TMEM132C: variants seen among roughly 807,000 people sequenced by gnomAD.
TMEM132C encodes the protein protein phosphatase 1, regulatory subunit 152.
In TMEM132C, 29 loss-of-function variants were observed where a neutral mutation model predicts 61.4. The observed-to-expected ratio is 0.47, with a 90% CI of 0.35 to 0.64. TMEM132C has a LOEUF of 0.64. Ranked by LOEUF, TMEM132C falls within the 30% of genes least tolerant of loss-of-function variation. The probability of loss-of-function intolerance (pLI) is 0.00; values close to 1 mark genes in which losing one functional copy is unlikely to be tolerated. For missense variants in TMEM132C, 1,408 were observed against 1,476.9 expected (o/e 0.95, Z 0.76); for synonymous variants, 656 against 633.1 (o/e 1.04, Z -0.54).
chr12:128,701,700 C>A (rs895585150), intron 8 of TMEM132C, among the ~76,000 whole-genome samples: 1 of 152,070 alleles, frequency 6.6e-6, no homozygotes, highest in Non-Finnish European at 1.5e-5. Context: ...AGTTTTATTT[C>A]TTGATATGCC....
At chr12:128,290,597 T>C (rs1871216955) in intron 1 of TMEM132C, among the ~76,000 whole-genome samples, 1 of 151,826 alleles carries the variant, frequency 6.6e-6, no homozygotes, top group African/African-American at 2.4e-5. Context: ...TCAAATAGGG[T>C]CCCCCCTGGC....
rs55999607 is a variant in TMEM132C, at chr12:128,524,012, CAAAA to C, written c.975-19923_975-19920del. On this transcript the variant is annotated intron_variant, in intron 2 of 8. Coordinates refer to ENST00000435159, the MANE Select transcript of TMEM132C (RefSeq NM_001136103.3). The stretch of plus-strand genomic sequence containing the variant: ...TGGGCAACAGAGCAAGACGCCATCT[CAAAA>C]AAAAAAAAAAAAAAAAAAAAAGCTT... Among the ~76,000 whole-genome samples the C allele has an allele frequency of 4.7e-3, 642 of 135,246 alleles. 7 individuals are homozygous for C. Among genetic ancestry groups the C allele is most frequent in the Non-Finnish European group, 4.5e-3 (287 of 64,402 alleles). 88.7% of individuals were successfully genotyped at this position (135,246 alleles called of 152,430 possible). A position where few individuals can be genotyped will look rare whatever the true frequency, so the allele number is the denominator to read the frequency against.
At chr12:128,274,665 CAG>C (rs1870626341) in intron 1 of TMEM132C, among the ~76,000 whole-genome samples, 1 of 152,202 alleles carries the variant, frequency 6.6e-6, no homozygotes. Context: ...AGTTGGAAAA[CAG>C]GAACCATTTT....
chr12:128,488,446 A>G (rs1344281362), intron 2 of TMEM132C, among the ~76,000 whole-genome samples: 1 of 152,160 alleles, frequency 6.6e-6, no homozygotes, highest in Non-Finnish European at 1.5e-5. Flanking sequence ...GGATCACCTG[A>G]GGTCGGGAGT....
At chr12:128,271,093 A>C (rs1870498150) in intron 1 of TMEM132C, among the ~76,000 whole-genome samples, 1 of 151,876 alleles carries the variant, frequency 6.6e-6, no homozygotes, top group South Asian at 2.1e-4. Context: ...ATCTCTACTA[A>C]AAATACAAAA....
intron 4 of TMEM132C, among the ~76,000 whole-genome samples, chr12:128,626,133 T>C (rs895278089): frequency 1.3e-5 from 2 of 151,860 alleles, no homozygotes; most frequent in Non-Finnish European, 2.9e-5. Context: ...CTTTCTTTTT[T>C]TTTTTTTTAA....
chr12:128,542,859 C>CAAAA (rs59362697), intron 2 of TMEM132C, among the ~76,000 whole-genome samples: 3 of 81,540 alleles, frequency 3.7e-5, no homozygotes, highest in African/African-American at 1.1e-4. Flanking sequence ...TACTTCGATG[C>CAAAA]AAAAAAAAAA....
intron 6 of TMEM132C, 38 bp downstream of exon 6, chr12:128,694,072 A>G: frequency 6.5e-7 from 1 of 1,543,780 alleles, no homozygotes; most frequent in Non-Finnish European, 8.8e-7. Context: ...GAGCCAAAAC[A>G]ACAACTTTAT....
intron 1 of TMEM132C, among the ~76,000 whole-genome samples, chr12:128,350,518 G>A (rs1351066029): frequency 2.6e-5 from 4 of 152,264 alleles, no homozygotes; most frequent in Middle Eastern, 3.4e-3. Flanking sequence ...GGGACAGATA[G>A]TGCAAAAGCC....
chr12:128,418,879 G>A (rs1440290953), intron 2 of TMEM132C, among the ~76,000 whole-genome samples: 1 of 152,168 alleles, frequency 6.6e-6, no homozygotes, highest in Non-Finnish European at 1.5e-5. Flanking sequence ...GATGAGCTCG[G>A]TCTGCTTCTC....
intron 2 of TMEM132C, among the ~76,000 whole-genome samples, chr12:128,443,920 A>G (rs1869882343): frequency 6.6e-6 from 1 of 152,216 alleles, no homozygotes; most frequent in South Asian, 2.1e-4. Flanking sequence ...CAAGCCAGGT[A>G]TGAACTCACC....
In TMEM132C at chr12:128,517,237, TAA is replaced by T. The variant is rs1450329593; in HGVS notation, c.975-26718_975-26717del. Among the ~76,000 whole-genome samples the T allele has an allele frequency of 3.2e-5, 3 of 93,602 alleles. No individual in the cohort carries two copies. In the East Asian group the frequency reaches 1.5e-3, roughly 46 times the overall value. The allele number at this position is 93,602 out of a possible 152,430, so 61.4% of individuals were successfully genotyped here. A position where few individuals can be genotyped will look rare whatever the true frequency, so the allele number is the denominator to read the frequency against. On this transcript the variant is annotated intron_variant, in intron 2 of 8. Transcript: ENST00000435159. Reference sequence around the variant, plus strand: ...CAAAGCAAGACTCCGTCTCAACAAATAAATAAATAAATAAATAAATAAATAAA... The same window carrying T: ...CAAAGCAAGACTCCGTCTCAACAAATATAAATAAATAAATAAATAAATAAA...
At chr12:128,334,733 C>T (rs58936331) in intron 1 of TMEM132C, among the ~76,000 whole-genome samples, 7,402 of 151,908 alleles carry the variant, frequency 0.049, 396 homozygotes, top group African/African-American at 0.14. Flanking sequence ...GTAGCTGGGA[C>T]TACAGGTGCC....
At chr12:128,417,393 T>C (rs1466372807) in intron 2 of TMEM132C, among the ~76,000 whole-genome samples, 1 of 152,084 alleles carries the variant, frequency 6.6e-6, no homozygotes, top group Non-Finnish European at 1.5e-5. Context: ...AGGTCTAAGG[T>C]CCACAACCTT....
At chr12:128,340,900 CTCTT>C (rs1398911050) in intron 1 of TMEM132C, among the ~76,000 whole-genome samples, 5 of 124,840 alleles carry the variant, frequency 4.0e-5, no homozygotes, top group East Asian at 4.6e-4. Context: ...CTTTCTTTCT[CTCTT>C]TCTCTCTCTC....
At position 128,286,184 on chromosome 12, in the gene TMEM132C, A is replaced by G. The variant is rs147713849; in HGVS notation, c.85+18697A>G. 6.0e-3 allele frequency among the ~76,000 whole-genome samples: 907 copies of G among 151,288 alleles called. 9 individuals are homozygous for G. Among genetic ancestry groups the G allele is most frequent in the African/African-American group, 0.021 (875 of 41,284 alleles). On this transcript the variant is annotated intron_variant, in intron 1 of 8. Transcript: ENST00000435159. Reference sequence around the variant, plus strand: ...TCATTCTCTCATTTGGATTTTCTACATTATGGGAAATGTGGCCTCTGAGAG... The same window carrying G: ...TCATTCTCTCATTTGGATTTTCTACGTTATGGGAAATGTGGCCTCTGAGAG...
At chr12:128,552,523 T>A (rs1425702972) in intron 3 of TMEM132C, among the ~76,000 whole-genome samples, 1 of 152,234 alleles carries the variant, frequency 6.6e-6, no homozygotes, top group Non-Finnish European at 1.5e-5. Flanking sequence ...AAATGTTTTA[T>A]TTAAAAAATA....
chr12:128,478,810 G>T (rs926827215), intron 2 of TMEM132C, among the ~76,000 whole-genome samples: 1 of 152,194 alleles, frequency 6.6e-6, no homozygotes, highest in East Asian at 1.9e-4. Flanking sequence ...AGCACTCAAC[G>T]ACTTATGCCA....
chr12:128,395,243 A>AT (rs1387833922), intron 1 of TMEM132C, among the ~76,000 whole-genome samples: 2 of 150,700 alleles, frequency 1.3e-5, no homozygotes, highest in Non-Finnish European at 3.0e-5. Flanking sequence ...ATTTAATAGA[A>AT]TATTAAACTA....
Sources: allele counts gnomAD v4.1 joint callset (sites outside exome capture counted in the v4.1 genomes callset), GRCh38; gene constraint gnomAD v4.1.1; transcripts MANE v1.5; gene names NCBI Gene and HGNC (gene_info 2026-07-23, HGNC 2026-07-21).